The following CSMD1 variants were observed in gnomAD, a reference collection of about 807,000 sequenced individuals.
The protein encoded by CSMD1 is CUB and sushi domain-containing protein 1.
A neutral mutation model predicts 417.5 loss-of-function variants in CSMD1; 213 were observed. The observed-to-expected ratio is 0.51, with a 90% CI of 0.46 to 0.57. CSMD1 has a LOEUF of 0.57. CSMD1 is among the 20% of genes least tolerant of loss of function. CSMD1 has a pLI of 0.00. For missense variants in CSMD1, 6,923 were observed against 4,529.7 expected (o/e 1.53, Z -15.17); for synonymous variants, 2,862 against 1,736.8 (o/e 1.65, Z -16.11).
At chr8:4,438,483 T>A (rs962302229) in intron 2 of CSMD1, among the ~76,000 whole-genome samples, 1 of 152,140 alleles carries the variant, frequency 6.6e-6, no homozygotes, top group Non-Finnish European at 1.5e-5. Flanking sequence ...AACGCTTGGG[T>A]TCCACAGCAC....
At chr8:3,982,168 A>C (rs941709593) in intron 5 of CSMD1, among the ~76,000 whole-genome samples, 1 of 127,798 alleles carries the variant, frequency 7.8e-6, no homozygotes, top group African/African-American at 2.7e-5. Context: ...AAAAATAATA[A>C]TAATAATAAT....
At chr8:4,901,173 A>G (rs1310787115) in intron 1 of CSMD1, among the ~76,000 whole-genome samples, 1 of 152,224 alleles carries the variant, frequency 6.6e-6, no homozygotes, top group South Asian at 2.1e-4. Flanking sequence ...ATTTTCTTAA[A>G]CCAAAAGTTA....
chr8:3,289,784 C>T (rs185192662), intron 25 of CSMD1, among the ~76,000 whole-genome samples: 5,692 of 147,206 alleles, frequency 0.039, 434 homozygotes, highest in Admixed American at 0.092. Flanking sequence ...GTTGCCTGTT[C>T]ACTCTGATGG....
At chr8:3,654,717 G>A (rs1198302537) in intron 7 of CSMD1, among the ~76,000 whole-genome samples, 1 of 152,168 alleles carries the variant, frequency 6.6e-6, no homozygotes, top group African/African-American at 2.4e-5. Flanking sequence ...GGACACATTG[G>A]GCATCTCTGC....
intron 3 of CSMD1, among the ~76,000 whole-genome samples, chr8:4,295,332 TCTTAAGATTATGCACATATAAC>T (rs771840348): frequency 1.9e-4 from 23 of 123,948 alleles, no homozygotes; most frequent in Admixed American, 4.2e-4. Flanking sequence ...GCACATATAA[TCTTAAGATTATGCACATATAAC>T]CTTAAGATTA....
At chr8:3,118,661 A>G (rs756621453) in intron 41 of CSMD1, 74 bp from the exon 42 acceptor site, 4 of 1,345,938 alleles carry the variant, frequency 3.0e-6, no homozygotes, top group Non-Finnish European at 4.2e-6. Flanking sequence ...CAGGAGTGTC[A>G]TCACATGTGA....
intron 1 of CSMD1, among the ~76,000 whole-genome samples, chr8:4,910,771 G>A (rs1184768312): frequency 6.6e-6 from 1 of 152,130 alleles, no homozygotes; most frequent in Non-Finnish European, 1.5e-5. Context: ...CCCCAACAAG[G>A]ACCTTATAAG....
chr8:3,518,262 T>C (rs980081358), intron 10 of CSMD1, among the ~76,000 whole-genome samples: 12 of 152,134 alleles, frequency 7.9e-5, no homozygotes, highest in Non-Finnish European at 1.2e-4. Flanking sequence ...TTTCTTCAAA[T>C]AAGAGAAAAT....
chr8:4,262,058 T>G (rs1213232331), intron 3 of CSMD1, among the ~76,000 whole-genome samples: 5 of 152,196 alleles, frequency 3.3e-5, no homozygotes, highest in African/African-American at 1.2e-4. Flanking sequence ...TATTTTAGAT[T>G]TACCTTGATT....
At chr8:4,348,613 G>A (rs192999231) in intron 3 of CSMD1, among the ~76,000 whole-genome samples, 153 of 145,870 alleles carry the variant, frequency 1.0e-3, no homozygotes, top group African/African-American at 3.6e-3. Context: ...GTGTGTTGGG[G>A]GTGGGGGAGG....
chr8:3,907,776 T>C (rs1457389902), intron 5 of CSMD1, among the ~76,000 whole-genome samples: 3 of 152,196 alleles, frequency 2.0e-5, no homozygotes, highest in South Asian at 2.1e-4. Context: ...GACTGACTCT[T>C]AGAATCACCC....
At chr8:3,454,312 A>C (rs1815960918) in intron 12 of CSMD1, among the ~76,000 whole-genome samples, 1 of 152,126 alleles carries the variant, frequency 6.6e-6, no homozygotes, top group Non-Finnish European at 1.5e-5. Context: ...GCCCATTTAC[A>C]TTTAAGGTTA....
chr8:4,229,498 T>C (rs1801574897), intron 3 of CSMD1, among the ~76,000 whole-genome samples: 1 of 152,188 alleles, frequency 6.6e-6, no homozygotes, highest in African/African-American at 2.4e-5. Context: ...GAACATTTTG[T>C]CTTCATATAA....
chr8:3,379,465 G>T (rs760918718), intron 18 of CSMD1, among the ~76,000 whole-genome samples: 10 of 152,304 alleles, frequency 6.6e-5, no homozygotes, highest in Non-Finnish European at 1.2e-4. Flanking sequence ...AAAGAACATA[G>T]TTGGAGGCAT....
chr8:3,414,871 T>A (rs1203098378), intron 12 of CSMD1, among the ~76,000 whole-genome samples: 7 of 152,180 alleles, frequency 4.6e-5, no homozygotes, highest in Non-Finnish European at 1.0e-4. Context: ...TAATTCAGTC[T>A]GCGCTTGCTC....
chr8:3,120,092 A>AT (rs1817109969), intron 41 of CSMD1, among the ~76,000 whole-genome samples: 1 of 152,174 alleles, frequency 6.6e-6, no homozygotes, highest in Non-Finnish European at 1.5e-5. Context: ...AGGAAACAGT[A>AT]TATTATTATG....
intron 2 of CSMD1, among the ~76,000 whole-genome samples, chr8:4,507,583 G>C (rs1802593171): frequency 6.6e-6 from 1 of 152,124 alleles, no homozygotes. Context: ...TATCATAGTG[G>C]CTTATATAAT....
intron 3 of CSMD1, among the ~76,000 whole-genome samples, chr8:4,190,468 A>G (rs529944360): frequency 1.3e-5 from 2 of 152,146 alleles, no homozygotes; most frequent in South Asian, 2.1e-4. Context: ...TAACACTATT[A>G]GAGTATTTCG....
chr8:4,031,603 C>G (rs960093060), intron 4 of CSMD1, among the ~76,000 whole-genome samples: 2 of 152,004 alleles, frequency 1.3e-5, no homozygotes, highest in African/African-American at 4.8e-5. Context: ...CATAAACTTG[C>G]TATTGACTTT....
Sources: allele counts gnomAD v4.1 joint callset (sites outside exome capture counted in the v4.1 genomes callset), GRCh38; gene constraint gnomAD v4.1.1; transcripts MANE v1.5; gene names NCBI Gene and HGNC (gene_info 2026-07-23, HGNC 2026-07-21).